Variants in BTBD2 observed in about 807,000 individuals in gnomAD.
The protein encoded by BTBD2 is BTB/POZ domain-containing protein 2.
A neutral mutation model predicts 44.0 loss-of-function variants in BTBD2; 15 were observed. The observed-to-expected ratio is 0.34, with a 90% CI of 0.23 to 0.53. The LOEUF (loss-of-function observed/expected upper bound fraction) is 0.53. Ranked by LOEUF, BTBD2 falls within the 20% of genes least tolerant of loss-of-function variation. The pLI is 0.95. For synonymous variants in BTBD2, 443 were observed against 335.9 expected (o/e 1.32, Z -3.49); for missense variants, 657 against 746.4 (o/e 0.88, Z 1.39).
In BTBD2 at chr19:2,015,335, C is replaced by A; in HGVS notation, c.369G>T (p.Val123=). The change falls in exon 1 of 9, where the codon GTG becomes GTT. Residue 123 remains valine (V), a synonymous_variant. Coordinates refer to ENST00000255608, the MANE Select transcript of BTBD2 (RefSeq NM_017797.4). Reference sequence around the variant, plus strand: ...TGCGCTGCGAGCTGAGCCCCTTGCCCACCAGGAAGTGCACGTCGCACAGCA... The same window carrying A: ...TGCGCTGCGAGCTGAGCCCCTTGCCAACCAGGAAGTGCACGTCGCACAGCA... ...NEVLCDVHFL[V]GKGLSSQRIP... is the part of the protein sequence containing the mutation. 1 of 1,581,638 alleles carries A rather than the reference C, an allele frequency of 6.3e-7. No individual in the cohort carries two copies.
intron 1 of BTBD2, chr19:2,013,429 G>C: frequency 1.2e-6 from 1 of 841,094 alleles, no homozygotes; most frequent in Non-Finnish European, 1.4e-6. Context: ...CGGAGCTGGG[G>C]GTCTCTGGGT....
chr19:1,987,678 C>G lies in BTBD2; in HGVS notation c.1003G>C (p.Gly335Arg). Residue 335 changes from glycine to arginine, a missense_variant, in exon 6 of 9, where the codon GGC (glycine) becomes CGC (arginine). Around this residue, in one of 3 missense-constraint regions of BTBD2, gnomAD observed 449 missense variants for 510.9 expected, o/e 0.88. Coordinates refer to ENST00000255608, the MANE Select transcript of BTBD2 (RefSeq NM_017797.4). ...ACCACCTCGCGGTCCACCAGGATGC[C>G]CGACTGTGCGGGACCTGCAGCACAG... ...EEFAAGPAQSGILVDREVVSL... is the reference protein window; with the variant it reads ...EEFAAGPAQSRILVDREVVSL... The G allele has an allele frequency of 6.2e-7, 1 of 1,603,706 alleles. No individual in the cohort carries two copies. The highest frequency in any genetic ancestry group is 2.2e-5 in the East Asian group (1 of 44,774).
chr19:2,010,444 G>C (rs2016450187), intron 1 of BTBD2, among the ~76,000 whole-genome samples: 1 of 152,110 alleles, frequency 6.6e-6, no homozygotes, highest in South Asian at 2.1e-4. Flanking sequence ...CGACGGTCCA[G>C]ACACTGGGGC....
chr19:1,991,139 G>C lies in BTBD2; in HGVS notation c.685-317C>G, dbSNP rs1336299599. ...CAAAAGGGGCGTTGCAGCTGCACTC[G>C]GGGGGCAGCAGGGCCCAGGACCCCG... On this transcript the variant is annotated intron_variant, in intron 3 of 8. Transcript: ENST00000255608. The C allele has an allele frequency of 1.1e-5, 3 of 273,230 alleles. No homozygotes were observed. The South Asian group carries it at 1.1e-4, about 10-fold the overall frequency. 16.9% of individuals were successfully genotyped at this position (273,230 alleles called of 1,614,324 possible). A position where few individuals can be genotyped will look rare whatever the true frequency, so the allele number is the denominator to read the frequency against.
chr19:1,993,306 A>C, intron 2 of BTBD2, 130 bp from the exon 3 acceptor site: 15 of 1,293,202 alleles, frequency 1.2e-5, no homozygotes, highest in South Asian at 1.5e-5. Flanking sequence ...AAACACCCAC[A>C]TCAGGTTCCC....
chr19:1,986,788 C>T (rs752941605), intron 8 of BTBD2, 42 bp downstream of exon 8: 4 of 1,575,448 alleles, frequency 2.5e-6, no homozygotes, highest in South Asian at 2.3e-5. Flanking sequence ...TCAGGATGGG[C>T]CAGAGACTCC....
chr19:1,990,479 T>G, intron 4 of BTBD2: 1 of 608,576 alleles, frequency 1.6e-6, no homozygotes, highest in South Asian at 2.0e-5. Flanking sequence ...CCATGGACCA[T>G]CGGAGGACGA....
At chr19:1,992,982 G>T (rs113241576) in intron 3 of BTBD2, 38 bp downstream of exon 3, 4 of 1,191,224 alleles carry the variant, frequency 3.4e-6, no homozygotes, top group East Asian at 6.6e-5. Context: ...CTCCAGCCAG[G>T]CCTGGCCCCG....
intron 1 of BTBD2, among the ~76,000 whole-genome samples, chr19:2,001,014 T>C (rs1182988219): frequency 1.3e-5 from 2 of 152,214 alleles, no homozygotes; most frequent in African/African-American, 4.8e-5. Flanking sequence ...ACGGGCACAG[T>C]GGCTCACGCC....
chr19:1,993,198 C>T, intron 2 of BTBD2, 22 bp from the exon 3 acceptor site: 1 of 1,582,160 alleles, frequency 6.3e-7, no homozygotes, highest in Non-Finnish European at 8.5e-7. Context: ...ACGCGGGTGG[C>T]CGTGAGGTGG....
At position 2,006,057 on chromosome 19, in the gene BTBD2, C is replaced by T. The variant is rs113108116; in HGVS notation, c.408-8594G>A. 3.3e-3 allele frequency among the ~76,000 whole-genome samples: 495 copies of T among 150,816 alleles called. 2 individuals are homozygous for T. Among genetic ancestry groups the T allele is most frequent in the African/African-American group, 0.011 (449 of 40,984 alleles). On this transcript the variant is annotated intron_variant, in intron 1 of 8. Transcript: ENST00000255608. ...GAGCTATGATCGAGCCACTGAACTC[C>T]AGTGTGGGTGACAGAGTGAGACCCT...
intron 1 of BTBD2, among the ~76,000 whole-genome samples, chr19:2,007,970 T>C (rs1009711910): frequency 1.3e-5 from 2 of 152,040 alleles, no homozygotes; most frequent in African/African-American, 4.8e-5. Context: ...TGACTGATTC[T>C]AGAAGAGTAA....
intron 1 of BTBD2, among the ~76,000 whole-genome samples, chr19:2,000,580 C>T (rs978572361): frequency 1.1e-4 from 17 of 152,186 alleles, no homozygotes; most frequent in African/African-American, 4.1e-4. Flanking sequence ...CCTGGAGACA[C>T]CTGCATGGGC....
At chr19:1,987,340 C>T in intron 6 of BTBD2, 87 bp from the exon 7 acceptor site, 1 of 1,508,592 alleles carries the variant, frequency 6.6e-7, no homozygotes, top group Non-Finnish European at 9.1e-7. Flanking sequence ...TGCCCGGTCC[C>T]CTCCATCGTC....
chr19:1,985,716 C>G lies in BTBD2; in HGVS notation c.*772G>C, dbSNP rs552546607. On this transcript the variant is annotated 3_prime_UTR_variant, in exon 9 of 9. Coordinates refer to ENST00000255608, the MANE Select transcript of BTBD2 (RefSeq NM_017797.4). ...CGGGGCCGGCTGGGGCCCCATTCTG[C>G]GGCAGGGGAGCTCTGGGGCACAGGG... is the stretch of plus-strand genomic sequence containing the variant. The G allele has an allele frequency of 6.6e-6, 1 of 152,462 alleles. No homozygotes were observed. Among genetic ancestry groups the G allele is most frequent in the African/African-American group, 2.4e-5 (1 of 41,446 alleles). 9.4% of individuals were successfully genotyped at this position (152,462 alleles called of 1,614,324 possible).
chr19:2,005,746 C>T (rs148807570), intron 1 of BTBD2, among the ~76,000 whole-genome samples: 2 of 149,630 alleles, frequency 1.3e-5, no homozygotes, highest in Non-Finnish European at 3.0e-5. Context: ...CACACCATCG[C>T]GCTCCAGCCT....
chr19:1,992,932 C>CCAA, intron 3 of BTBD2, 88 bp downstream of exon 3: 1 of 822,678 alleles, frequency 1.2e-6, no homozygotes, highest in Non-Finnish European at 1.6e-6. Context: ...CCCGGCCCCG[C>CCAA]CTCCGCCTCC....
intron 4 of BTBD2, 127 bp from the exon 5 acceptor site, chr19:1,990,328 T>C (rs2016157252): frequency 1.0e-6 from 1 of 997,460 alleles, no homozygotes; most frequent in East Asian, 2.6e-5. Context: ...GGCCCAAATC[T>C]GGCCCTGTGA....
chr19:1,989,926 G>A, intron 5 of BTBD2, 78 bp downstream of exon 5: 3 of 1,513,014 alleles, frequency 2.0e-6, no homozygotes, highest in Middle Eastern at 1.7e-4. Context: ...GAACTCGGGG[G>A]CACTATCCTC....
Sources: gnomAD v4.1 joint callset for allele counts (sites outside exome capture counted in the v4.1 genomes callset) on GRCh38, gnomAD v4.1.1 for gene constraint, gnomAD v4.1.1 regional missense constraint, MANE v1.5 for transcripts, NCBI Gene and HGNC (gene_info 2026-07-23, HGNC 2026-07-21) for gene names.